Variants in NHP2 observed in about 807,000 individuals in gnomAD.
NHP2 encodes the protein NHP2 ribonucleoprotein.
In NHP2, 10 loss-of-function variants were observed where a neutral mutation model predicts 16.7. The observed-to-expected ratio is 0.60, with a 90% CI of 0.37 to 1.01. NHP2 has a LOEUF of 1.01. Ranked by LOEUF, NHP2 falls within the 50% of genes least tolerant of loss-of-function variation. NHP2 has a pLI of 0.01. For missense variants in NHP2, 184 were observed against 198.3 expected, an observed-to-expected ratio of 0.93 and a Z score of 0.43; for synonymous variants, 87 against 78.9, an observed-to-expected ratio of 1.10 and a Z score of -0.54.
chr5:178,151,593 G>A (rs1265311337), intron 2 of NHP2, among the ~76,000 whole-genome samples: 8 of 152,166 alleles, frequency 5.3e-5, no homozygotes, highest in South Asian at 4.1e-4. Context: ...CAGAGCCCTC[G>A]GCTGAAAGAA....
At chr5:178,152,003 T>G (rs1164975934) in intron 2 of NHP2, among the ~76,000 whole-genome samples, 1 of 152,134 alleles carries the variant, frequency 6.6e-6, no homozygotes, top group Non-Finnish European at 1.5e-5. Context: ...TCCCTCCAGC[T>G]GGGCATGTCA....
intron 3 of NHP2, 148 bp downstream of exon 3, chr5:178,150,740 C>A: frequency 1.3e-6 from 1 of 772,730 alleles, no homozygotes; most frequent in Non-Finnish European, 2.4e-6. Context: ...TATCTGTAGT[C>A]CCAAAACTAA....
rs1192955146 is a variant in NHP2, at chr5:178,153,865, C to T, written c.-48G>A. Reference sequence around the variant, plus strand: ...TCCCAGGGAGGCGAGCCCACGCGGTCCACAGCTTTAGGCATCACTTCCAGG... The same window carrying T: ...TCCCAGGGAGGCGAGCCCACGCGGTTCACAGCTTTAGGCATCACTTCCAGG... On this transcript the variant is annotated 5_prime_UTR_variant, in exon 1 of 4. Coordinates refer to ENST00000274606, the MANE Select transcript of NHP2 (RefSeq NM_017838.4). 5 of 1,571,566 alleles carry T rather than the reference C, an allele frequency of 3.2e-6. No homozygotes were observed. Among genetic ancestry groups the T allele is most frequent in the African/African-American group, 2.7e-5 (2 of 73,882 alleles).
chr5:178,153,592 C>A, intron 1 of NHP2, 32 bp from the exon 2 acceptor site: 1 of 1,612,924 alleles, frequency 6.2e-7, no homozygotes, highest in South Asian at 1.1e-5. Context: ...TCGGGGGCCT[C>A]GCTCAGCCAC....
At chr5:178,151,899 AG>A (rs768825264) in intron 2 of NHP2, among the ~76,000 whole-genome samples, 3 of 152,034 alleles carry the variant, frequency 2.0e-5, no homozygotes, top group African/African-American at 7.2e-5. Flanking sequence ...GTGTCTCTAC[AG>A]CACCTCAAAA....
At position 178,149,599 on chromosome 5, in the gene NHP2, G is replaced by C; in HGVS notation, c.*114C>G. 1 of 1,403,838 alleles carries C rather than the reference G, an allele frequency of 7.1e-7. No homozygotes were observed. The highest frequency in any genetic ancestry group is 9.9e-7 in the Non-Finnish European group (1 of 1,008,152). 87.0% of individuals were successfully genotyped at this position (1,403,838 alleles called of 1,614,324 possible). A position where few individuals can be genotyped will look rare whatever the true frequency, so the allele number is the denominator to read the frequency against. ...TTAGAGCTGCCTGGGAAGAAGGCGT[G>C]CCTTGGGGAACTGGGAAGATGCCGT... On this transcript the variant is annotated 3_prime_UTR_variant, in exon 4 of 4. Coordinates refer to ENST00000274606, the MANE Select transcript of NHP2 (RefSeq NM_017838.4).
intron 2 of NHP2, 22 bp downstream of exon 2, chr5:178,153,469 C>T (rs754959772): frequency 5.6e-6 from 9 of 1,613,224 alleles, no homozygotes; most frequent in Non-Finnish European, 7.6e-6. Flanking sequence ...AATGCAAAAT[C>T]CAGAGGAAGG....
At chr5:178,150,086 C>T (rs1284699753) in intron 3 of NHP2, 1 of 396,034 alleles carries the variant, frequency 2.5e-6, no homozygotes, top group South Asian at 2.8e-5. Flanking sequence ...CCAGCAGGGG[C>T]TGTCCCGGTC....
chr5:178,150,643 A>C (rs1461789283), intron 3 of NHP2: 1 of 662,278 alleles, frequency 1.5e-6, no homozygotes, highest in Non-Finnish European at 2.8e-6. Context: ...TTGGCCTCCC[A>C]AAGCACTAGG....
chr5:178,153,830 T>G lies in NHP2; in HGVS notation c.-13A>C. ...TTATTTTGGTCATCGCAGCGGCCGC[T>G]GAAACCTAGTCCCAGGGAGGCGAGC... On this transcript the variant is annotated 5_prime_UTR_variant, in exon 1 of 4. Transcript: ENST00000274606. The G allele has an allele frequency of 6.2e-7, 1 of 1,601,356 alleles. No individual in the cohort carries two copies. The highest frequency in any genetic ancestry group is 8.5e-7 in the Non-Finnish European group (1 of 1,174,290).
rs570522945 is a variant in NHP2 at position 178,149,655 on chromosome 5, G to C, written c.*58C>G. Reference sequence around the variant, plus strand: ...TGGGTGGGCAGGAGGACAGCCAGTCGTCCTGCTGCCAGCCCAATAGCTTCC... The same window carrying C: ...TGGGTGGGCAGGAGGACAGCCAGTCCTCCTGCTGCCAGCCCAATAGCTTCC... On this transcript the variant is annotated 3_prime_UTR_variant, in exon 4 of 4. Coordinates refer to ENST00000274606, the MANE Select transcript of NHP2 (RefSeq NM_017838.4). The C allele has an allele frequency of 1.9e-6, 3 of 1,608,716 alleles. No homozygotes were observed. Among genetic ancestry groups the C allele is most frequent in the South Asian group, 2.2e-5 (2 of 90,572 alleles).
At position 178,153,818 on chromosome 5, in the gene NHP2, C is replaced by A; in HGVS notation, c.-1G>T. On this transcript the variant is annotated 5_prime_UTR_variant, in exon 1 of 4. Coordinates refer to ENST00000274606, the MANE Select transcript of NHP2 (RefSeq NM_017838.4). ...CGGGATCTGCCTTTATTTTGGTCAT[C>A]GCAGCGGCCGCTGAAACCTAGTCCC... 1 of 1,604,870 alleles carries A rather than the reference C, an allele frequency of 6.2e-7. No individual in the cohort carries two copies. Among genetic ancestry groups the A allele is most frequent in the Non-Finnish European group, 8.5e-7 (1 of 1,175,980 alleles).
In NHP2 at chr5:178,151,038, T is replaced by TC. The variant is rs370381937; in HGVS notation, c.231-46dup. 272 of 1,538,436 alleles carry TC rather than the reference T, an allele frequency of 1.8e-4. No homozygotes were observed. The African/African-American group carries it at 3.2e-3, about 18-fold the overall frequency. ...TGTCATCTCTGGCTTGCTCCTTCCT[T>TC]CTTTCAGTTTTAAGTGCTGCCCTGG... On this transcript the variant is annotated intron_variant, in intron 2 of 3. Coordinates refer to ENST00000274606, the MANE Select transcript of NHP2 (RefSeq NM_017838.4).
intron 2 of NHP2, among the ~76,000 whole-genome samples, chr5:178,152,698 T>C (rs1223869016): frequency 3.3e-5 from 5 of 151,954 alleles, no homozygotes; most frequent in African/African-American, 4.8e-5. Flanking sequence ...CATGGCTATC[T>C]ATCACAACGT....
intron 2 of NHP2, among the ~76,000 whole-genome samples, chr5:178,152,176 G>C (rs1005832298): frequency 2.0e-5 from 3 of 152,048 alleles, no homozygotes; most frequent in African/African-American, 7.2e-5. Flanking sequence ...TTCTTCAATT[G>C]TCAGAAAAAT....
chr5:178,152,623 CT>C, intron 2 of NHP2, among the ~76,000 whole-genome samples: 1 of 152,344 alleles, frequency 6.6e-6, no homozygotes, highest in South Asian at 2.1e-4. Flanking sequence ...AAGGTTCAAA[CT>C]TTGATAAATG....
At position 178,151,618 on chromosome 5, in the gene NHP2, T is replaced by C. The variant is rs1452510105; in HGVS notation, c.231-625A>G. The stretch of plus-strand genomic sequence containing the variant: ...GGCTGAAAGAATGCTTCCGCACTCC[T>C]AGTGCTCCTCTGGGCCCTCTGCTGG... On this transcript the variant is annotated intron_variant, in intron 2 of 3. Coordinates refer to ENST00000274606, the MANE Select transcript of NHP2 (RefSeq NM_017838.4). 2.0e-5 allele frequency among the ~76,000 whole-genome samples: 3 copies of C among 152,194 alleles called. No homozygotes were observed. The South Asian group carries it at 6.2e-4, about 31-fold the overall frequency.
intron 2 of NHP2, 61 bp from the exon 3 acceptor site, chr5:178,151,054 G>A (rs1365762672): frequency 2.9e-6 from 4 of 1,390,412 alleles, no homozygotes; most frequent in Non-Finnish European, 4.1e-6. Flanking sequence ...AGTTTTAAGT[G>A]CTGCCCTGGG....
chr5:178,149,824 G>A lies in NHP2; in HGVS notation c.351C>T (p.Ala117=), dbSNP rs115334254. The part of the protein sequence containing the change: ...YIPSKTDLGA[A]AGSKRPTCVI... Reference sequence around the variant, plus strand: ...CACAGGTGGGGCGCTTGGAGCCTGCGGCTGCACCCAGGTCCTACAGAGGGG... The same window carrying A: ...CACAGGTGGGGCGCTTGGAGCCTGCAGCTGCACCCAGGTCCTACAGAGGGG... The change falls in exon 4 of 4, where the codon GCC becomes GCT. Residue 117 remains alanine (A), a synonymous_variant. Transcript: ENST00000274606. 2,714 of 1,613,720 alleles carry A rather than the reference G, an allele frequency of 1.7e-3. 38 individuals are homozygous for A. In the African/African-American group the frequency reaches 0.032, roughly 19 times the overall value.
Sources: allele counts gnomAD v4.1 joint callset (sites outside exome capture counted in the v4.1 genomes callset), GRCh38; gene constraint gnomAD v4.1.1; transcripts MANE v1.5; gene names NCBI Gene and HGNC (gene_info 2026-07-23, HGNC 2026-07-21).